Variants in CWH43 observed in about 807,000 individuals in gnomAD.
The protein encoded by CWH43 is PGAP2-interacting protein.
In CWH43, 91 loss-of-function variants were observed where a neutral mutation model predicts 85.7. That is an observed-to-expected ratio of 1.06 (90% CI 0.90 to 1.26). The LOEUF is 1.26. Ranked by LOEUF, CWH43 falls within the 50% of genes most tolerant of loss-of-function variation. The pLI is 0.00. For missense variants in CWH43, 869 were observed against 839.2 expected (o/e 1.04, Z -0.44); for synonymous variants, 323 against 293.6 (o/e 1.10, Z -1.02).
At chr4:49,040,652 C>T (rs961607730) in intron 13 of CWH43, among the ~76,000 whole-genome samples, 5 of 152,114 alleles carry the variant, frequency 3.3e-5, no homozygotes, top group African/African-American at 1.2e-4. Context: ...AGCCCTTTGT[C>T]AGATGAGTAG....
intron 9 of CWH43, among the ~76,000 whole-genome samples, chr4:49,028,063 C>T (rs745832170): frequency 1.2e-4 from 18 of 152,170 alleles, no homozygotes; most frequent in Admixed American, 2.6e-4. Context: ...ATTTATTTCC[C>T]ATGCAAGAGT....
chr4:49,013,135 T>C (rs2109776809), intron 8 of CWH43, among the ~76,000 whole-genome samples: 1 of 152,362 alleles, frequency 6.6e-6, no homozygotes, highest in South Asian at 2.1e-4. Flanking sequence ...TGCTGAGCTG[T>C]GGTGGGCTCC....
At chr4:49,007,110 T>C in intron 7 of CWH43, 91 bp from the exon 8 acceptor site, 2 of 1,422,154 alleles carry the variant, frequency 1.4e-6, no homozygotes, top group Non-Finnish European at 9.4e-7. Context: ...CCAGGGTATG[T>C]TCCTTTCAAG....
rs537412728 is a variant in CWH43 at position 49,060,510 on chromosome 4, G to A, written c.2022-1302G>A. On this transcript the variant is annotated intron_variant, in intron 15 of 15. Coordinates refer to ENST00000226432, the MANE Select transcript of CWH43 (RefSeq NM_025087.3). ...GCCAGCCTGGTGCCAATGTTCATTG[G>A]CCTGGACCTGGTGCTGGAGTCTGTG... Among the ~76,000 whole-genome samples, 5 of 152,198 alleles carry A rather than the reference G, an allele frequency of 3.3e-5. No homozygotes were observed. In the South Asian group the frequency reaches 1.0e-3, roughly 32 times the overall value.
In CWH43 at chr4:49,061,802, A is replaced by AT. The variant is rs553006583; in HGVS notation, c.2022-3dup. On this transcript the variant is annotated splice_polypyrimidine_tract_variant and intron_variant, in intron 15 of 15. Transcript: ENST00000226432. The stretch of plus-strand genomic sequence containing the variant: ...GCCAATAACTTTTTATTTATTTTTT[A>AT]TTTTTTTAGATTTGGATCCTACAAA... The AT allele has an allele frequency of 5.1e-3, 6,979 of 1,364,154 alleles. 17 individuals are homozygous for AT. The highest frequency in any genetic ancestry group is 6.2e-3 in the Non-Finnish European group (6,428 of 1,030,490). 84.5% of individuals were successfully genotyped at this position (1,364,154 alleles called of 1,614,324 possible).
intron 8 of CWH43, among the ~76,000 whole-genome samples, chr4:49,008,765 G>A (rs1010081195): frequency 6.6e-6 from 1 of 152,136 alleles, no homozygotes; most frequent in Non-Finnish European, 1.5e-5. Flanking sequence ...TGTCAGGTTT[G>A]TCAAAGATCA....
At chr4:49,016,753 C>A in intron 8 of CWH43, 1 of 777,838 alleles carries the variant, frequency 1.3e-6, no homozygotes, top group East Asian at 2.4e-5. Context: ...ATGCCAGCTT[C>A]CCTTGCATCT....
chr4:48,993,072 T>A (rs1782704434), intron 4 of CWH43, among the ~76,000 whole-genome samples: 1 of 152,226 alleles, frequency 6.6e-6, no homozygotes, highest in African/African-American at 2.4e-5. Flanking sequence ...CTGACTTTTC[T>A]TCTATCTGGC....
intron 6 of CWH43, among the ~76,000 whole-genome samples, chr4:49,002,871 C>G (rs1783037546): frequency 6.6e-6 from 1 of 152,152 alleles, no homozygotes; most frequent in Admixed American, 6.5e-5. Flanking sequence ...CTGCTTCCCA[C>G]TCCTTTCTGG....
chr4:49,012,703 T>C (rs188773725), intron 8 of CWH43, among the ~76,000 whole-genome samples: 411 of 152,368 alleles, frequency 2.7e-3, no homozygotes, highest in Middle Eastern at 0.014. Flanking sequence ...CCTTTCTGTT[T>C]GTTAGTTTTC....
At chr4:49,061,419 A>T (rs1577722548) in intron 15 of CWH43, among the ~76,000 whole-genome samples, 1 of 152,366 alleles carries the variant, frequency 6.6e-6, no homozygotes, top group Non-Finnish European at 1.5e-5. Flanking sequence ...CAAAGAGTTA[A>T]TCTGCAGCAC....
intron 12 of CWH43, among the ~76,000 whole-genome samples, chr4:49,036,369 A>C (rs1784262951): frequency 6.6e-6 from 1 of 152,226 alleles, no homozygotes; most frequent in African/African-American, 2.4e-5. Flanking sequence ...ATTTAAAAAT[A>C]GAGCTACCAC....
rs1784131075 is a variant in CWH43, at chr4:49,032,597, A to T, written c.1540A>T (p.Lys514Ter). ...IMALSRYPIV[K>*]SEHHLLPSPE... The stretch of plus-strand genomic sequence containing the variant: ...GGCTTTGTCAAGATACCCAATTGTG[A>T]AATCTGAGCATCACCTTCTTCCGTC... Residue 514 changes from lysine to a stop codon, truncating the protein, a stop_gained, in exon 12 of 16, where the codon AAA becomes TAA. Coordinates refer to ENST00000226432, the MANE Select transcript of CWH43 (RefSeq NM_025087.3). LOFTEE classifies it high-confidence loss of function. The T allele has an allele frequency of 6.2e-7, 1 of 1,614,018 alleles. No homozygotes were observed.
At chr4:48,989,793 T>C (rs1180892475) in intron 2 of CWH43, among the ~76,000 whole-genome samples, 2 of 152,200 alleles carry the variant, frequency 1.3e-5, no homozygotes, top group Non-Finnish European at 2.9e-5. Context: ...AAGTGTGCCC[T>C]TTACAAAATT....
chr4:49,016,723 C>G (rs978577505), intron 8 of CWH43: 1 of 775,806 alleles, frequency 1.3e-6, no homozygotes, highest in Admixed American at 1.7e-5. Context: ...TTTGCCTGCT[C>G]GAAAACAACC....
intron 15 of CWH43, among the ~76,000 whole-genome samples, chr4:49,054,747 A>G (rs1331286322): frequency 6.6e-6 from 1 of 151,886 alleles, no homozygotes; most frequent in Non-Finnish European, 1.5e-5. Context: ...ATTCCTAAGT[A>G]TTTTTTGATG....
At chr4:48,994,923 TACC>T (rs1370445369) in intron 5 of CWH43, 103 bp downstream of exon 5, 29 of 902,548 alleles carry the variant, frequency 3.2e-5, no homozygotes, top group Non-Finnish European at 5.1e-5. Context: ...AGATATTTCA[TACC>T]ACTCTCCCTA....
intron 9 of CWH43, among the ~76,000 whole-genome samples, chr4:49,020,416 C>CACACATATATAT (rs140534523): frequency 7.0e-5 from 9 of 128,392 alleles, no homozygotes; most frequent in African/African-American, 2.4e-4. Flanking sequence ...CACACACACA[C>CACACATATATAT]ATATATATAT....
intron 14 of CWH43, among the ~76,000 whole-genome samples, chr4:49,049,292 C>T (rs1419736248): frequency 6.6e-6 from 1 of 152,164 alleles, no homozygotes; most frequent in Non-Finnish European, 1.5e-5. Context: ...TGGTCCTGCT[C>T]TGGGTTTCTG....
Sources: gnomAD v4.1 joint callset for allele counts (sites outside exome capture counted in the v4.1 genomes callset) on GRCh38, gnomAD v4.1.1 for gene constraint, MANE v1.5 for transcripts, NCBI Gene and HGNC (gene_info 2026-07-23, HGNC 2026-07-21) for gene names.